The following CREB3L2 variants were observed in gnomAD, a reference collection of about 807,000 sequenced individuals.
CREB3L2 encodes cAMP responsive element binding protein 3 like 2, also known as cyclic AMP-responsive element-binding protein 3-like protein 2.
A neutral mutation model predicts 57.2 loss-of-function variants in CREB3L2; 23 were observed. That is an observed-to-expected ratio of 0.40 (90% confidence interval 0.29 to 0.57). CREB3L2 has a LOEUF of 0.57. Among genes scored for constraint, CREB3L2 ranks in the 20% least tolerant of loss-of-function variants. CREB3L2 has a pLI of 0.42. For missense variants in CREB3L2, 628 were observed against 634.7 expected, an observed-to-expected ratio of 0.99 and a Z score of 0.11; for synonymous variants, 268 against 265.1, an observed-to-expected ratio of 1.01 and a Z score of -0.11.
At chr7:137,952,062 T>C (rs1424333254) in intron 1 of CREB3L2, among the ~76,000 whole-genome samples, 3 of 152,228 alleles carry the variant, frequency 2.0e-5, no homozygotes, top group African/African-American at 4.8e-5. Context: ...TTCTTATTTC[T>C]CTAACTTTGG....
At position 137,933,996 on chromosome 7, in the gene CREB3L2, C is replaced by T. The variant is rs536142603; in HGVS notation, c.103-5630G>A. ...AGGAAGCCTTTCTGGATACTGCAAA[C>T]GCTTTAGCGAAGTACTGCTCATGTG... On this transcript the variant is annotated intron_variant, in intron 1 of 11. Coordinates refer to ENST00000330387, the MANE Select transcript of CREB3L2 (RefSeq NM_194071.4). 3.3e-5 allele frequency: 5 copies of T among 152,348 alleles called. No individual in the cohort carries two copies. The South Asian group carries it at 8.3e-4, about 25-fold the overall frequency. 9.4% of individuals were successfully genotyped at this position (152,348 alleles called of 1,614,324 possible). A position where few individuals can be genotyped will look rare whatever the true frequency, so the allele number is the denominator to read the frequency against.
At chr7:137,926,792 G>A (rs1800472290) in intron 2 of CREB3L2, among the ~76,000 whole-genome samples, 1 of 152,112 alleles carries the variant, frequency 6.6e-6, no homozygotes, top group Non-Finnish European at 1.5e-5. Context: ...ATAGGAAATA[G>A]AGTTTTTAAA....
chr7:137,946,025 T>C (rs1345260031), intron 1 of CREB3L2, among the ~76,000 whole-genome samples: 1 of 152,284 alleles, frequency 6.6e-6, no homozygotes, highest in East Asian at 1.9e-4. Flanking sequence ...CCCCAAATTA[T>C]AGTCTGTTAA....
At chr7:137,963,284 A>G (rs1206402720) in intron 1 of CREB3L2, among the ~76,000 whole-genome samples, 3 of 152,224 alleles carry the variant, frequency 2.0e-5, no homozygotes, top group African/African-American at 7.2e-5. Context: ...GTTCCCACTT[A>G]GTCAGCACTG....
intron 1 of CREB3L2, among the ~76,000 whole-genome samples, chr7:137,987,052 C>T (rs1801804279): frequency 6.6e-6 from 1 of 152,182 alleles, no homozygotes; most frequent in Non-Finnish European, 1.5e-5. Context: ...CCCAGCGGCT[C>T]CAACATGGGT....
At chr7:137,905,041 G>T (rs1799855067) in intron 6 of CREB3L2, among the ~76,000 whole-genome samples, 2 of 151,814 alleles carry the variant, frequency 1.3e-5, no homozygotes, top group African/African-American at 2.4e-5. Context: ...TTCCGCACAT[G>T]GATAGAGTGA....
chr7:137,991,679 G>C (rs1801898870), intron 1 of CREB3L2, among the ~76,000 whole-genome samples: 1 of 152,016 alleles, frequency 6.6e-6, no homozygotes, highest in Non-Finnish European at 1.5e-5. Flanking sequence ...GGCCAAGGCA[G>C]GTGGATCACT....
At position 137,880,608 on chromosome 7, in the gene CREB3L2, C is replaced by G; in HGVS notation, c.1488-57G>C. The G allele has an allele frequency of 7.2e-7, 1 of 1,381,260 alleles. No individual in the cohort carries two copies. Among genetic ancestry groups the G allele is most frequent in the Non-Finnish European group, 1.0e-6 (1 of 971,316 alleles). The allele number at this position is 1,381,260 out of a possible 1,614,324, so 85.6% of individuals were successfully genotyped here. A position where few individuals can be genotyped will look rare whatever the true frequency, so the allele number is the denominator to read the frequency against. ...TAGTCACCAGCTGTTAGCTACAATT[C>G]TCATGCTTTGTAGCGTGATGCAATC... On this transcript the variant is annotated intron_variant, in intron 11 of 11. Transcript: ENST00000330387. The surrounding 1 kb of genome is among the most constrained non-coding windows in gnomAD (Gnocchi z 4.0).
intron 1 of CREB3L2, chr7:137,957,626 C>T (rs1036263147): frequency 7.8e-5 from 37 of 472,084 alleles, no homozygotes; most frequent in Non-Finnish European, 1.2e-4. Flanking sequence ...AACTCTTAAA[C>T]TTGAGAAGAT....
At chr7:137,964,090 G>A (rs988241942) in intron 1 of CREB3L2, among the ~76,000 whole-genome samples, 5 of 152,096 alleles carry the variant, frequency 3.3e-5, no homozygotes, top group South Asian at 2.1e-4. Flanking sequence ...CGTGGCGGGC[G>A]GATCACCTGA....
intron 1 of CREB3L2, among the ~76,000 whole-genome samples, chr7:137,961,194 TG>T (rs1384775567): frequency 8.1e-6 from 1 of 123,312 alleles, no homozygotes; most frequent in Non-Finnish European, 1.6e-5. Flanking sequence ...AATTATAAAC[TG>T]GGGGGTGGGG....
intron 1 of CREB3L2, among the ~76,000 whole-genome samples, chr7:137,937,823 CA>C (rs3087067): frequency 0.45 from 60,157 of 134,996 alleles, 13,556 homozygotes; most frequent in East Asian, 0.78. Flanking sequence ...GGCTTATTAC[CA>C]AAAAAAAAAA....
At chr7:137,944,186 A>AT (rs1800926069) in intron 1 of CREB3L2, among the ~76,000 whole-genome samples, 3 of 152,162 alleles carry the variant, frequency 2.0e-5, no homozygotes, top group African/African-American at 7.2e-5. Flanking sequence ...GTTTAAACAG[A>AT]TTTTTGCCAC....
Position 137,880,502 on chromosome 7 carries a change from C to T in CREB3L2, c.1537G>A (p.Asp513Asn). 1.9e-6 allele frequency: 3 copies of T among 1,613,762 alleles called. No individual in the cohort carries two copies. The highest frequency in any genetic ancestry group is 2.5e-6 in the Non-Finnish European group (3 of 1,179,822). Residue 513 changes from aspartate (D) to asparagine (N), a missense_variant, in exon 12 of 12, where the codon GAC becomes AAC. Coordinates refer to ENST00000330387, the MANE Select transcript of CREB3L2 (RefSeq NM_194071.4). This position sits in a 1 kb window ranked among gnomAD's most constrained non-coding sequence, Gnocchi z 4.0. Reference sequence around the variant, plus strand: ...TAGAAAGTGGTGTTCACTCTTCTGTCGAGTTCTACAACTTTTAGTGTTTCA... The same window carrying T: ...TAGAAAGTGGTGTTCACTCTTCTGTTGAGTTCTACAACTTTTAGTGTTTCA... ...GNETLKVVELDRRVNTTF is the reference protein window; with the variant it reads ...GNETLKVVELNRRVNTTF
In CREB3L2 at chr7:137,880,561, C is replaced by A; in HGVS notation, c.1488-10G>T. 1.2e-6 allele frequency: 2 copies of A among 1,608,396 alleles called. No homozygotes were observed. The highest frequency in any genetic ancestry group is 1.7e-6 in the Non-Finnish European group (2 of 1,174,988). ...CAGTTTGGCGCTGACCCTGTGAAGG[C>A]ATTAAAAGGAAAACGAAGTATTAGT... On this transcript the variant is annotated splice_polypyrimidine_tract_variant and intron_variant, in intron 11 of 11. Transcript: ENST00000330387. This position sits in a 1 kb window ranked among gnomAD's most constrained non-coding sequence, Gnocchi z 4.0.
At chr7:137,990,682 G>A (rs547554582) in intron 1 of CREB3L2, among the ~76,000 whole-genome samples, 3 of 152,028 alleles carry the variant, frequency 2.0e-5, no homozygotes, top group East Asian at 1.9e-4. Context: ...TTTAAATTTC[G>A]GTTTAACACA....
intron 2 of CREB3L2, among the ~76,000 whole-genome samples, chr7:137,921,236 TG>T (rs1261472408): frequency 4.6e-5 from 7 of 152,360 alleles, no homozygotes; most frequent in African/African-American, 1.7e-4. Context: ...AAAACATCCC[TG>T]GTAAAGTTTA....
At chr7:137,903,143 C>A (rs1327499802) in intron 7 of CREB3L2, among the ~76,000 whole-genome samples, 3 of 152,042 alleles carry the variant, frequency 2.0e-5, no homozygotes. Flanking sequence ...TATTTTAGAC[C>A]CATGGTTGGT....
intron 1 of CREB3L2, among the ~76,000 whole-genome samples, chr7:137,958,240 G>A (rs771158164): frequency 3.3e-5 from 5 of 152,154 alleles, no homozygotes; most frequent in Non-Finnish European, 7.3e-5. Context: ...CCCAACACAA[G>A]TTAGAACTCA....
Sources: gnomAD v4.1 joint callset for allele counts (sites outside exome capture counted in the v4.1 genomes callset) on GRCh38, gnomAD v4.1.1 for gene constraint, Gnocchi (gnomAD v3.1) non-coding constraint, MANE v1.5 for transcripts, NCBI Gene and HGNC (gene_info 2026-07-23, HGNC 2026-07-21) for gene names.